The following LPP variants were observed in gnomAD, a reference collection of about 807,000 sequenced individuals.
LPP encodes lipoma-preferred partner.
A neutral mutation model predicts 60.4 loss-of-function variants in LPP; 38 were observed. That is an observed-to-expected ratio of 0.63 (90% CI 0.49 to 0.83). The LOEUF (loss-of-function observed/expected upper bound fraction) is 0.83, where lower values mean the gene tolerates loss of function less well. Ranked by LOEUF, LPP falls within the 40% of genes least tolerant of loss-of-function variation. The pLI is 0.00. For synonymous variants in LPP, 328 were observed against 290.8 expected, an observed-to-expected ratio of 1.13 and a Z score of -1.30; for missense variants, 902 against 783.6, an observed-to-expected ratio of 1.15 and a Z score of -1.80.
rs755841106 is a variant in LPP at position 188,697,628 on chromosome 3, TA to T, written c.1114-10636del. Among the ~76,000 whole-genome samples the T allele has an allele frequency of 3.0e-4, 45 of 152,346 alleles. No individual in the cohort carries two copies. In the Middle Eastern group the frequency reaches 0.014, roughly 46 times the overall value. On this transcript the variant is annotated intron_variant, in intron 7 of 11. Coordinates refer to ENST00000617246, the MANE Select transcript of LPP (RefSeq NM_001375462.1). ...GAAAAGTCTGGAACCCCATGTTTTA[TA>T]AAGTATGTTTCCTGTTATTTTCTAA...
At chr3:188,454,162 C>T (rs1560425634) in intron 4 of LPP, among the ~76,000 whole-genome samples, 1 of 152,150 alleles carries the variant, frequency 6.6e-6, no homozygotes, top group Non-Finnish European at 1.5e-5. Context: ...TGTAACTTGT[C>T]CAAGGTTAGG....
chr3:188,515,796 A>G (rs1371295515), intron 5 of LPP, among the ~76,000 whole-genome samples: 1 of 152,208 alleles, frequency 6.6e-6, no homozygotes, highest in Non-Finnish European at 1.5e-5. Flanking sequence ...GCCATTAGAT[A>G]AGAAGGATTT....
chr3:188,292,370 T>C lies in LPP; in HGVS notation c.-66-49293T>C, dbSNP rs537171958. Among the ~76,000 whole-genome samples the C allele has an allele frequency of 4.6e-5, 7 of 152,330 alleles. No homozygotes were observed. In the East Asian group the frequency reaches 1.2e-3, roughly 25 times the overall value. ...TTGGACTGTGTGAAAACTTAATCTGTTTCATGAGTTGGATCTAAGGTGGTC... is the reference window on the plus strand; with the variant it reads ...TTGGACTGTGTGAAAACTTAATCTGCTTCATGAGTTGGATCTAAGGTGGTC... On this transcript the variant is annotated intron_variant, in intron 2 of 11. Coordinates refer to ENST00000617246, the MANE Select transcript of LPP (RefSeq NM_001375462.1).
chr3:188,718,778 A>G (rs1715132641), intron 8 of LPP, among the ~76,000 whole-genome samples: 1 of 152,252 alleles, frequency 6.6e-6, no homozygotes, highest in Non-Finnish European at 1.5e-5. Flanking sequence ...CATGGTATAT[A>G]GTAAACTATA....
In LPP at chr3:188,493,323, A is replaced by G. The variant is rs73890524; in HGVS notation, c.306+8619A>G. On this transcript the variant is annotated intron_variant, in intron 5 of 11. Coordinates refer to ENST00000617246, the MANE Select transcript of LPP (RefSeq NM_001375462.1). ...GCCAGTCTGATTCCTTTTCCAGTTTAGTAAATTTTTCTTGTTTGGTCTATA... is the reference window on the plus strand; with the variant it reads ...GCCAGTCTGATTCCTTTTCCAGTTTGGTAAATTTTTCTTGTTTGGTCTATA... Among the ~76,000 whole-genome samples, 340 of 152,212 alleles carry G rather than the reference A, an allele frequency of 2.2e-3. 6 individuals carry two copies. The highest frequency in any genetic ancestry group is 7.8e-3 in the African/African-American group (326 of 41,540).
intron 8 of LPP, among the ~76,000 whole-genome samples, chr3:188,753,753 T>C (rs1446691184): frequency 6.6e-6 from 1 of 152,022 alleles, no homozygotes; most frequent in Non-Finnish European, 1.5e-5. Flanking sequence ...ATCCTTTTCT[T>C]GTTGCGAGTG....
chr3:188,547,893 T>C (rs1827090030), intron 6 of LPP, among the ~76,000 whole-genome samples: 1 of 152,194 alleles, frequency 6.6e-6, no homozygotes, highest in South Asian at 2.1e-4. Flanking sequence ...GCTGAGCATC[T>C]TCTTGCTCAC....
chr3:188,509,859 A>AT lies in LPP; in HGVS notation c.307-14796dup, dbSNP rs1342110915. Among the ~76,000 whole-genome samples the AT allele has an allele frequency of 3.5e-3, 367 of 103,558 alleles. 6 individuals carry two copies. The highest frequency in any genetic ancestry group is 0.026 in the South Asian group (77 of 2,988). 67.9% of individuals were successfully genotyped at this position (103,558 alleles called of 152,430 possible). A position where few individuals can be genotyped will look rare whatever the true frequency, so the allele number is the denominator to read the frequency against. ...AGTTGTGTGCCACCATGCCTGGCTA[A>AT]TTTTTTTTTTGTTGTTTTTTTTTTT... On this transcript the variant is annotated intron_variant, in intron 5 of 11. Transcript: ENST00000617246.
chr3:188,228,630 A>G (rs945941623), intron 2 of LPP, among the ~76,000 whole-genome samples: 4 of 152,136 alleles, frequency 2.6e-5, no homozygotes, highest in Non-Finnish European at 5.9e-5. Context: ...CAACTAAACA[A>G]ACAAAATCCC....
At chr3:188,703,334 G>A (rs992428157) in intron 7 of LPP, among the ~76,000 whole-genome samples, 1 of 152,174 alleles carries the variant, frequency 6.6e-6, no homozygotes, top group Non-Finnish European at 1.5e-5. Flanking sequence ...ATTTTTCTTA[G>A]GAGGTATTGA....
At chr3:188,582,403 A>T (rs1413243555) in intron 6 of LPP, among the ~76,000 whole-genome samples, 1 of 149,386 alleles carries the variant, frequency 6.7e-6, no homozygotes, top group Non-Finnish European at 1.5e-5. Flanking sequence ...CTTGTCTCGA[A>T]CTCCTGACCT....
At chr3:188,543,132 C>T (rs777943708) in intron 6 of LPP, among the ~76,000 whole-genome samples, 2 of 152,034 alleles carry the variant, frequency 1.3e-5, no homozygotes, top group Admixed American at 6.6e-5. Context: ...TTAGGGCTTA[C>T]GTTTCTGTTA....
rs145190236 is a variant in LPP at position 188,759,828 on chromosome 3, G to A, written c.1241-285G>A. ...TGAGAGTCAGAGCACTGACCTCAAA[G>A]CCAGCGACCGGGTTCTACTGTTCCT... is the stretch of plus-strand genomic sequence containing the variant. On this transcript the variant is annotated intron_variant, in intron 8 of 11. Coordinates refer to ENST00000617246, the MANE Select transcript of LPP (RefSeq NM_001375462.1). Among the ~76,000 whole-genome samples the A allele has an allele frequency of 4.6e-5, 7 of 152,250 alleles. No homozygotes were observed. The East Asian group carries it at 1.4e-3, about 29-fold the overall frequency.
intron 6 of LPP, chr3:188,568,649 G>A (rs1375415455): frequency 3.3e-5 from 5 of 151,958 alleles, no homozygotes; most frequent in Admixed American, 1.3e-4. Context: ...AGTTTCCTAT[G>A]ATCATGTCTG....
chr3:188,313,172 C>T (rs1237459364), intron 2 of LPP, among the ~76,000 whole-genome samples: 1 of 151,876 alleles, frequency 6.6e-6, no homozygotes, highest in Non-Finnish European at 1.5e-5. Flanking sequence ...TATTTTTAGA[C>T]TTTCTGTTCT....
intron 4 of LPP, among the ~76,000 whole-genome samples, chr3:188,452,336 G>A (rs978048098): frequency 6.6e-6 from 1 of 152,016 alleles, no homozygotes; most frequent in Non-Finnish European, 1.5e-5. Context: ...GATAGCGTGT[G>A]GGCTCTGAGC....
chr3:188,534,501 A>T (rs1267172515), intron 6 of LPP, among the ~76,000 whole-genome samples: 1 of 152,108 alleles, frequency 6.6e-6, no homozygotes, highest in Non-Finnish European at 1.5e-5. Flanking sequence ...TTCCTCTCCC[A>T]CTGTTTAAAT....
intron 4 of LPP, among the ~76,000 whole-genome samples, chr3:188,463,114 A>G (rs569325992): frequency 8.5e-4 from 129 of 152,246 alleles, no homozygotes; most frequent in African/African-American, 3.1e-3. Flanking sequence ...AAAAACAACA[A>G]CAACAAAAAT....
At chr3:188,184,972 A>C (rs1726159288) in intron 1 of LPP, among the ~76,000 whole-genome samples, 1 of 152,142 alleles carries the variant, frequency 6.6e-6, no homozygotes, top group South Asian at 2.1e-4. Context: ...GCTATGAAAC[A>C]CAGGCACAGG....
Sources: allele counts gnomAD v4.1 joint callset (sites outside exome capture counted in the v4.1 genomes callset), GRCh38; gene constraint gnomAD v4.1.1; transcripts MANE v1.5; gene names NCBI Gene and HGNC (gene_info 2026-07-23, HGNC 2026-07-21).